Variants in NRXN3 observed in about 807,000 individuals in gnomAD.
NRXN3 encodes the protein neurexin III.
In NRXN3, 32 loss-of-function variants were observed where a neutral mutation model predicts 137.6. The observed-to-expected ratio is 0.23, with a 90% CI of 0.18 to 0.31. NRXN3 has a LOEUF of 0.31. Among genes scored for constraint, NRXN3 ranks in the 10% least tolerant of loss-of-function variants. NRXN3 has a pLI of 1.00. For missense variants in NRXN3, 1,574 were observed against 2,062.5 expected (o/e 0.76, Z 4.59); for synonymous variants, 798 against 784.5 (o/e 1.02, Z -0.29).
chr14:78,812,556 C>G (rs2098917467), intron 10 of NRXN3, among the ~76,000 whole-genome samples: 1 of 152,176 alleles, frequency 6.6e-6, no homozygotes, highest in Admixed American at 6.5e-5. Flanking sequence ...CCCATATATT[C>G]CACATGATCA....
At chr14:79,099,930 C>T (rs1221283706) in intron 15 of NRXN3, among the ~76,000 whole-genome samples, 1 of 152,040 alleles carries the variant, frequency 6.6e-6, no homozygotes, top group East Asian at 1.9e-4. Flanking sequence ...TTGGTCTTGG[C>T]CGTGATGGAA....
chr14:79,637,568 G>C (rs917754227), intron 16 of NRXN3, among the ~76,000 whole-genome samples: 2 of 152,064 alleles, frequency 1.3e-5, no homozygotes, highest in Non-Finnish European at 2.9e-5. Flanking sequence ...AGAGAAGACT[G>C]TTGTGGGAAT....
chr14:79,517,100 C>CG (rs909927039), intron 16 of NRXN3, among the ~76,000 whole-genome samples: 4 of 146,016 alleles, frequency 2.7e-5, no homozygotes, highest in Non-Finnish European at 4.5e-5. Flanking sequence ...CAGCCCCCCC[C>CG]CCCTCAACGA....
chr14:78,337,533 A>T (rs2081617068), intron 4 of NRXN3, among the ~76,000 whole-genome samples: 1 of 152,164 alleles, frequency 6.6e-6, no homozygotes, highest in South Asian at 2.1e-4. Context: ...GCTTAGGGAC[A>T]GCCTCCTGCC....
At chr14:78,839,619 A>G (rs2099006457) in intron 10 of NRXN3, among the ~76,000 whole-genome samples, 1 of 152,166 alleles carries the variant, frequency 6.6e-6, no homozygotes, top group South Asian at 2.1e-4. Flanking sequence ...GAGTGAGATA[A>G]GGGATGCAAG....
At chr14:78,225,974 G>GTGTTGGGGGGT (rs1394081828) in intron 1 of NRXN3, among the ~76,000 whole-genome samples, 1 of 123,632 alleles carries the variant, frequency 8.1e-6, no homozygotes, top group African/African-American at 3.1e-5. Context: ...TGTGTGTGTT[G>GTGTTGGGGGGT]GTGTGTGTGT....
intron 8 of NRXN3, among the ~76,000 whole-genome samples, chr14:78,777,005 G>A (rs1265199505): frequency 1.3e-5 from 2 of 152,144 alleles, no homozygotes; most frequent in Admixed American, 6.6e-5. Flanking sequence ...CTATTGTAAG[G>A]CTTTCTTTTT....
At chr14:79,308,397 G>A (rs2086508077) in intron 15 of NRXN3, among the ~76,000 whole-genome samples, 1 of 152,042 alleles carries the variant, frequency 6.6e-6, no homozygotes, top group Non-Finnish European at 1.5e-5. Context: ...CGTTACACTT[G>A]AAGGACTTAG....
At chr14:79,458,976 G>A (rs936892932) in intron 15 of NRXN3, among the ~76,000 whole-genome samples, 3 of 152,034 alleles carry the variant, frequency 2.0e-5, no homozygotes, top group Non-Finnish European at 4.4e-5. Context: ...CTTGTTTGCT[G>A]TTTTTGTTTT....
intron 4 of NRXN3, among the ~76,000 whole-genome samples, chr14:78,584,618 G>A (rs897914968): frequency 1.3e-5 from 2 of 152,240 alleles, no homozygotes; most frequent in Non-Finnish European, 2.9e-5. Flanking sequence ...GATGTAGACA[G>A]ACACTGGTGA....
intron 4 of NRXN3, among the ~76,000 whole-genome samples, chr14:78,623,795 T>C (rs1264528071): frequency 6.6e-6 from 1 of 152,186 alleles, no homozygotes; most frequent in East Asian, 1.9e-4. Context: ...CTAAAACTCC[T>C]GACCTCAGGT....
At chr14:79,564,249 T>C (rs1345185177) in intron 16 of NRXN3, among the ~76,000 whole-genome samples, 1 of 151,914 alleles carries the variant, frequency 6.6e-6, no homozygotes, top group Non-Finnish European at 1.5e-5. Flanking sequence ...TTTATAGGTG[T>C]GCTGACCTTT....
At chr14:79,299,534 C>G (rs1271229967) in intron 15 of NRXN3, among the ~76,000 whole-genome samples, 1 of 152,110 alleles carries the variant, frequency 6.6e-6, no homozygotes, top group Non-Finnish European at 1.5e-5. Context: ...ACAAGACCAC[C>G]TAGTCTGCAG....
chr14:79,565,428 A>G (rs2097542892), intron 16 of NRXN3, among the ~76,000 whole-genome samples: 1 of 151,482 alleles, frequency 6.6e-6, no homozygotes, highest in Non-Finnish European at 1.5e-5. Flanking sequence ...GGGGTCCCCA[A>G]GAATGAGCTT....
rs139283769 is a variant in NRXN3, at chr14:79,560,453, T to C, written c.3444+93051T>C. On this transcript the variant is annotated intron_variant, in intron 16 of 20. Coordinates refer to ENST00000335750, the MANE Select transcript of NRXN3 (RefSeq NM_001330195.2). ...GGAGGAGCATTTCTGGAAGCCATTT[T>C]GACACCTGGACAGTAGCAATAACTT... Among the ~76,000 whole-genome samples the C allele has an allele frequency of 5.0e-3, 746 of 148,350 alleles. 7 individuals carry two copies. The highest frequency in any genetic ancestry group is 0.017 in the African/African-American group (711 of 40,698).
chr14:79,364,920 A>G (rs565930918), intron 15 of NRXN3, among the ~76,000 whole-genome samples: 2 of 152,076 alleles, frequency 1.3e-5, no homozygotes, highest in Admixed American at 6.5e-5. Context: ...AAAATCCCCA[A>G]AACCAGCACT....
rs562944568 is a variant in NRXN3, at chr14:79,781,341, C to T, written c.4015-23771C>T. The stretch of plus-strand genomic sequence containing the variant: ...TAGAGAAATTAGTGGTAGTATGATA[C>T]GGGAAAAGAGTAATGTCAAAATGCA... On this transcript the variant is annotated intron_variant, in intron 19 of 20. Coordinates refer to ENST00000335750, the MANE Select transcript of NRXN3 (RefSeq NM_001330195.2). 1.5e-3 allele frequency among the ~76,000 whole-genome samples: 222 copies of T among 152,112 alleles called. 1 individual carries two copies. Among genetic ancestry groups the T allele is most frequent in the African/African-American group, 4.9e-3 (202 of 41,496 alleles).
chr14:79,365,747 A>AAAAAAAAAAAAAAAAAAAAC, intron 15 of NRXN3, among the ~76,000 whole-genome samples: 1 of 148,900 alleles, frequency 6.7e-6, no homozygotes, highest in African/African-American at 2.4e-5. Context: ...AAAAAAAAGA[A>AAAAAAAAAAAAAAAAAAAAC]AAAAAAGAAG....
intron 17 of NRXN3, among the ~76,000 whole-genome samples, chr14:79,688,972 G>A (rs1184653963): frequency 6.6e-6 from 1 of 152,086 alleles, no homozygotes; most frequent in Non-Finnish European, 1.5e-5. Flanking sequence ...CGGATCCACA[G>A]AAGTAATTTA....
Sources: gnomAD v4.1 joint callset for allele counts (sites outside exome capture counted in the v4.1 genomes callset) on GRCh38, gnomAD v4.1.1 for gene constraint, MANE v1.5 for transcripts, NCBI Gene and HGNC (gene_info 2026-07-23, HGNC 2026-07-21) for gene names.